Variants in ANO3 observed in about 807,000 individuals in gnomAD.
The protein encoded by ANO3 is anoctamin-3.
ANO3 carries 99 observed loss-of-function variants against 144.8 expected under a neutral mutation model. The observed-to-expected ratio is 0.68, with a 90% CI of 0.58 to 0.81. The LOEUF (loss-of-function observed/expected upper bound fraction) is 0.81, where lower values mean the gene tolerates loss of function less well. Ranked by LOEUF, ANO3 falls within the 30% of genes least tolerant of loss-of-function variation. The pLI is 0.00. For missense variants in ANO3, 905 were observed against 1,202.2 expected (o/e 0.75, Z 3.66); for synonymous variants, 414 against 392.6 (o/e 1.05, Z -0.64).
chr11:26,408,040 G>A (rs958808805), intron 1 of ANO3, among the ~76,000 whole-genome samples: 5 of 151,852 alleles, frequency 3.3e-5, no homozygotes, highest in South Asian at 2.1e-4. Flanking sequence ...AACCTAGGCA[G>A]TACCATTCAG....
At chr11:26,387,833 C>T (rs1488710905) in intron 1 of ANO3, among the ~76,000 whole-genome samples, 17 of 151,978 alleles carry the variant, frequency 1.1e-4, no homozygotes, top group Admixed American at 3.3e-4. Context: ...TCAATATGTC[C>T]GGAACCACTC....
At chr11:26,283,321 AAT>A (rs58419788) in intron 1 of ANO3, among the ~76,000 whole-genome samples, 1,073 of 48,822 alleles carry the variant, frequency 0.022, 10 homozygotes, top group African/African-American at 0.035. Flanking sequence ...CAAATAAATA[AAT>A]ATATATATAT....
intron 14 of ANO3, chr11:26,565,825 T>C (rs767029959): frequency 1.9e-6 from 3 of 1,613,070 alleles, no homozygotes; most frequent in Non-Finnish European, 2.5e-6. Context: ...TAAAACAACG[T>C]TGAAATCAAC....
chr11:26,537,281 A>G (rs1222447840), intron 9 of ANO3, 125 bp from the exon 10 acceptor site: 2 of 740,360 alleles, frequency 2.7e-6, no homozygotes, highest in East Asian at 2.5e-5. Flanking sequence ...TGATGTGGCT[A>G]TGGAAGTCAT....
At chr11:26,616,629 A>C (rs1431045989) in intron 17 of ANO3, among the ~76,000 whole-genome samples, 1 of 152,188 alleles carries the variant, frequency 6.6e-6, no homozygotes, top group African/African-American at 2.4e-5. Flanking sequence ...CAGGTCCAAG[A>C]TTCGATACTT....
intron 18 of ANO3, among the ~76,000 whole-genome samples, chr11:26,632,510 C>A (rs1852816637): frequency 6.9e-6 from 1 of 144,794 alleles, no homozygotes; most frequent in Admixed American, 6.9e-5. Context: ...AGTGAGACTC[C>A]ATCTCAAGAA....
At chr11:26,375,546 C>A (rs1856382829) in intron 1 of ANO3, among the ~76,000 whole-genome samples, 1 of 152,146 alleles carries the variant, frequency 6.6e-6, no homozygotes, top group African/African-American at 2.4e-5. Flanking sequence ...TTGTTGGCTA[C>A]AACACTTAAA....
chr11:26,307,826 GT>G (rs1414831536), upstream of ANO3, among the ~76,000 whole-genome samples: 2 of 151,774 alleles, frequency 1.3e-5, no homozygotes, highest in African/African-American at 4.8e-5. Flanking sequence ...TGCACTACGT[GT>G]TTTCAGCTTT....
intron 1 of ANO3, among the ~76,000 whole-genome samples, chr11:26,196,671 A>G (rs1302292240): frequency 6.6e-6 from 1 of 152,184 alleles, no homozygotes; most frequent in South Asian, 2.1e-4. Flanking sequence ...ATTCTCAAAA[A>G]TTCCCTCATA....
intron 1 of ANO3, among the ~76,000 whole-genome samples, chr11:26,279,124 G>A (rs1853621788): frequency 6.6e-6 from 1 of 152,086 alleles, no homozygotes; most frequent in Non-Finnish European, 1.5e-5. Flanking sequence ...AATAATCCAG[G>A]AGAGAGAAAA....
intron 14 of ANO3, among the ~76,000 whole-genome samples, chr11:26,595,467 T>TTTG (rs1443170113): frequency 6.9e-6 from 1 of 144,344 alleles, no homozygotes; most frequent in East Asian, 2.0e-4. Flanking sequence ...GTTGTTTTTT[T>TTTG]TTTTTTTTTT....
chr11:26,469,525 T>C (rs1859707952), intron 4 of ANO3, among the ~76,000 whole-genome samples: 1 of 151,930 alleles, frequency 6.6e-6, no homozygotes, highest in South Asian at 2.1e-4. Context: ...AGAGGTATAC[T>C]CAAACTGAAT....
intron 4 of ANO3, among the ~76,000 whole-genome samples, chr11:26,500,535 T>C (rs1861150475): frequency 6.6e-6 from 1 of 152,144 alleles, no homozygotes; most frequent in Non-Finnish European, 1.5e-5. Context: ...GATTTGTGTT[T>C]CTCTAATAAC....
chr11:26,228,104 T>A (rs1381317350), intron 1 of ANO3, among the ~76,000 whole-genome samples: 2 of 152,238 alleles, frequency 1.3e-5, no homozygotes, highest in Non-Finnish European at 2.9e-5. Flanking sequence ...GACCTGATTA[T>A]AAGCTTGAAA....
intron 17 of ANO3, among the ~76,000 whole-genome samples, chr11:26,606,465 C>G (rs1186746718): frequency 2.6e-5 from 4 of 152,150 alleles, no homozygotes; most frequent in African/African-American, 9.7e-5. Flanking sequence ...GAGCTGAGTT[C>G]AAGTCCTGAA....
chr11:26,482,168 G>A (rs116937760), intron 4 of ANO3, among the ~76,000 whole-genome samples: 3,404 of 151,846 alleles, frequency 0.022, 63 homozygotes, highest in Non-Finnish European at 0.036. Context: ...AAAGTTCTGG[G>A]GTCACAGGTG....
Position 26,647,733 on chromosome 11 carries a change from G to C in ANO3, c.2453G>C (p.Gly818Ala), listed in dbSNP as rs750997370. ...DIGIWLGILEGIGILAVITNA... is the reference protein window; with the variant it reads ...DIGIWLGILEAIGILAVITNA... ...GGTATCTGGCTTGGAATTCTCGAAGGAATCGGTATATTGGCTGTGATCACC... is the reference window on the plus strand; with the variant it reads ...GGTATCTGGCTTGGAATTCTCGAAGCAATCGGTATATTGGCTGTGATCACC... The change falls in exon 24 of 27, where the codon GGA (glycine) becomes GCA (alanine). Residue 818 changes from glycine to alanine, a missense_variant. Coordinates refer to ENST00000256737, the MANE Select transcript of ANO3 (RefSeq NM_031418.4). The C allele has an allele frequency of 1.9e-5, 31 of 1,607,258 alleles. No homozygotes were observed. Among genetic ancestry groups the C allele is most frequent in the Non-Finnish European group, 2.6e-5 (30 of 1,175,850 alleles).
At chr11:26,633,426 C>T (rs555211377) in intron 18 of ANO3, among the ~76,000 whole-genome samples, 1 of 152,292 alleles carries the variant, frequency 6.6e-6, no homozygotes, top group East Asian at 1.9e-4. Context: ...GCTCAGCTCT[C>T]CTAACTGATT....
At chr11:26,207,897 T>C (rs1851841043) in intron 1 of ANO3, 1 of 135,398 alleles carries the variant, frequency 7.4e-6, no homozygotes, top group African/African-American at 2.5e-5. Flanking sequence ...TAATAAATAT[T>C]GTCAGTTACT....
Sources: gnomAD v4.1 joint callset for allele counts (sites outside exome capture counted in the v4.1 genomes callset) on GRCh38, gnomAD v4.1.1 for gene constraint, MANE v1.5 for transcripts, NCBI Gene and HGNC (gene_info 2026-07-23, HGNC 2026-07-21) for gene names.